UNC5D: variants seen among roughly 807,000 people sequenced by gnomAD.
UNC5D encodes unc-5 netrin receptor D.
Under a neutral mutation model 105.4 loss-of-function variants are expected in UNC5D, and 39 were observed. The observed-to-expected ratio is 0.37, with a 90% confidence interval of 0.29 to 0.48. The LOEUF is 0.48. Among genes scored for constraint, UNC5D ranks in the 20% least tolerant of loss-of-function variants. The probability of loss-of-function intolerance (pLI) is 0.98; values close to 1 mark genes in which losing one functional copy is unlikely to be tolerated. For missense variants in UNC5D, 991 were observed against 1,202.4 expected, an observed-to-expected ratio of 0.82 and a Z score of 2.60; for synonymous variants, 452 against 450.4, an observed-to-expected ratio of 1.00 and a Z score of -0.04.
At chr8:35,275,527 T>A (rs1263470114) in intron 1 of UNC5D, among the ~76,000 whole-genome samples, 3 of 152,232 alleles carry the variant, frequency 2.0e-5, no homozygotes, top group African/African-American at 7.2e-5. Flanking sequence ...TTCTTAGTTA[T>A]TTTTGTTTTG....
At chr8:35,773,728 T>C (rs6468337) in intron 15 of UNC5D, among the ~76,000 whole-genome samples, 6,796 of 152,246 alleles carry the variant, frequency 0.045, 376 homozygotes, top group African/African-American at 0.13. Context: ...TATTTTGTTT[T>C]GTTTTTTGTT....
intron 1 of UNC5D, among the ~76,000 whole-genome samples, chr8:35,263,833 A>G (rs1804651897): frequency 6.6e-6 from 1 of 152,252 alleles, no homozygotes; most frequent in Non-Finnish European, 1.5e-5. Context: ...GCAATAAAGC[A>G]AACTTCTAGC....
intron 13 of UNC5D, among the ~76,000 whole-genome samples, chr8:35,751,342 G>T (rs1291810910): frequency 6.6e-6 from 1 of 152,190 alleles, no homozygotes; most frequent in Non-Finnish European, 1.5e-5. Context: ...TTTGGAGAGT[G>T]TCAGAATCTT....
chr8:35,236,442 T>TGGGCTTGGCTTGGC (rs57999211), intron 1 of UNC5D, among the ~76,000 whole-genome samples: 2 of 152,120 alleles, frequency 1.3e-5, no homozygotes, highest in South Asian at 4.1e-4. Flanking sequence ...CAGCCAGCCC[T>TGGGCTTGGCTTGGC]GGAGCTCGGG....
chr8:35,348,191 T>C (rs1042995298), intron 1 of UNC5D, among the ~76,000 whole-genome samples: 5 of 151,970 alleles, frequency 3.3e-5, no homozygotes, highest in African/African-American at 1.2e-4. Context: ...TATTAAAGTA[T>C]ATTTAAGTTC....
intron 2 of UNC5D, among the ~76,000 whole-genome samples, chr8:35,553,102 A>G (rs528268578): frequency 2.4e-4 from 36 of 152,318 alleles, no homozygotes; most frequent in African/African-American, 7.7e-4. Context: ...AGATAGAAAG[A>G]ATATTGTAAA....
At chr8:35,705,047 T>G (rs1827470479) in intron 7 of UNC5D, among the ~76,000 whole-genome samples, 1 of 147,416 alleles carries the variant, frequency 6.8e-6, no homozygotes. Context: ...CACTGCAGGC[T>G]CTGCCCCCTG....
chr8:35,561,632 A>C (rs1816975447), intron 2 of UNC5D, among the ~76,000 whole-genome samples: 1 of 152,172 alleles, frequency 6.6e-6, no homozygotes, highest in Non-Finnish European at 1.5e-5. Flanking sequence ...ACCCTGAACC[A>C]TTTTGAGATA....
intron 1 of UNC5D, among the ~76,000 whole-genome samples, chr8:35,403,490 A>G (rs1026641204): frequency 6.6e-6 from 1 of 152,238 alleles, no homozygotes; most frequent in South Asian, 2.1e-4. Flanking sequence ...GTGCAAATAT[A>G]CATTGTGTGT....
chr8:35,539,639 G>A (rs1024841264), intron 1 of UNC5D, among the ~76,000 whole-genome samples: 2 of 152,188 alleles, frequency 1.3e-5, no homozygotes, highest in African/African-American at 4.8e-5. Context: ...GAGTCGGTTC[G>A]GATTTTCTCT....
intron 1 of UNC5D, among the ~76,000 whole-genome samples, chr8:35,340,678 A>T (rs947875779): frequency 6.6e-6 from 1 of 152,276 alleles, no homozygotes; most frequent in African/African-American, 2.4e-5. Context: ...GAAACTGAAC[A>T]TGTACCCACT....
chr8:35,570,933 G>C (rs1427592658), intron 3 of UNC5D, among the ~76,000 whole-genome samples: 3 of 151,950 alleles, frequency 2.0e-5, no homozygotes, highest in Non-Finnish European at 4.4e-5. Context: ...ACTCCAGCCT[G>C]GGCAACAAGA....
intron 1 of UNC5D, among the ~76,000 whole-genome samples, chr8:35,391,411 A>C (rs1803763156): frequency 6.6e-6 from 1 of 152,170 alleles, no homozygotes; most frequent in African/African-American, 2.4e-5. Context: ...AATTAAGAAA[A>C]ATGGGAAACA....
chr8:35,509,309 T>C (rs1302725850), intron 1 of UNC5D, among the ~76,000 whole-genome samples: 1 of 151,130 alleles, frequency 6.6e-6, no homozygotes, highest in Non-Finnish European at 1.5e-5. Context: ...AGCAAAGTAG[T>C]AGAGATAAGG....
rs1428467792 is a variant in UNC5D, at chr8:35,388,086, A to T, written c.103+152199A>T. Among the ~76,000 whole-genome samples the T allele has an allele frequency of 2.0e-5, 3 of 152,080 alleles. No individual in the cohort carries two copies. In the East Asian group the frequency reaches 5.8e-4, roughly 29 times the overall value. On this transcript the variant is annotated intron_variant, in intron 1 of 16. Coordinates refer to ENST00000404895, the MANE Select transcript of UNC5D (RefSeq NM_080872.4). ...GGAATCAGATTTTTATTAAGAAGGAAGTCTTGGTGGGGTGCGGTGGCTCAA... is the reference window on the plus strand; with the variant it reads ...GGAATCAGATTTTTATTAAGAAGGATGTCTTGGTGGGGTGCGGTGGCTCAA...
chr8:35,472,609 A>C (rs1454140246), intron 1 of UNC5D, among the ~76,000 whole-genome samples: 4 of 152,178 alleles, frequency 2.6e-5, no homozygotes, highest in African/African-American at 7.2e-5. Flanking sequence ...GGGGGCAAAA[A>C]AATAAAATAG....
At chr8:35,729,074 G>A (rs1442157669) in intron 10 of UNC5D, among the ~76,000 whole-genome samples, 1 of 152,180 alleles carries the variant, frequency 6.6e-6, no homozygotes, top group Admixed American at 6.5e-5. Flanking sequence ...ATGTTTGAAA[G>A]ATAACACCAT....
intron 1 of UNC5D, among the ~76,000 whole-genome samples, chr8:35,470,807 T>TAAATAAATAAATAAAAA (rs1554538816): frequency 4.6e-5 from 6 of 130,506 alleles, no homozygotes; most frequent in African/African-American, 1.7e-4. Flanking sequence ...AATAAATAAA[T>TAAATAAATAAATAAAAA]AAATAAAATA....
At chr8:35,736,009 T>G (rs1435142338) in intron 11 of UNC5D, among the ~76,000 whole-genome samples, 1 of 152,198 alleles carries the variant, frequency 6.6e-6, no homozygotes, top group Non-Finnish European at 1.5e-5. Flanking sequence ...TAGTGAACTA[T>G]TCTTTATGTT....
Sources: gnomAD v4.1 joint callset for allele counts (sites outside exome capture counted in the v4.1 genomes callset) on GRCh38, gnomAD v4.1.1 for gene constraint, MANE v1.5 for transcripts, NCBI Gene and HGNC (gene_info 2026-07-23, HGNC 2026-07-21) for gene names.